Variants in ASXL3 observed in about 807,000 individuals in gnomAD.
ASXL3 encodes the protein ASXL transcriptional regulator 3.
A neutral mutation model predicts 170.6 loss-of-function variants in ASXL3; 34 were observed. The ratio of observed to expected loss-of-function variants is 0.20; its 90% confidence interval spans 0.15 to 0.27. ASXL3 has a LOEUF of 0.27. Ranked by LOEUF, ASXL3 falls within the 10% of genes least tolerant of loss-of-function variation. ASXL3 has a pLI of 1.00. For missense variants in ASXL3, 2,592 were observed against 2,695.3 expected, an observed-to-expected ratio of 0.96 and a Z score of 0.85; for synonymous variants, 1,002 against 989.1, an observed-to-expected ratio of 1.01 and a Z score of -0.24.
At chr18:33,735,790 C>A (rs879879457) in intron 10 of ASXL3, among the ~76,000 whole-genome samples, 132 of 152,094 alleles carry the variant, frequency 8.7e-4, no homozygotes, top group Admixed American at 4.0e-3. Flanking sequence ...GTGATAGACC[C>A]ATTCTTTTAT....
intron 8 of ASXL3, among the ~76,000 whole-genome samples, chr18:33,701,363 C>A (rs1168638699): frequency 1.3e-5 from 2 of 152,012 alleles, no homozygotes; most frequent in Non-Finnish European, 2.9e-5. Flanking sequence ...TGCTTTGAAT[C>A]TATAAATCAT....
Position 33,724,949 on chromosome 18 carries a change from C to T in ASXL3, c.880-7019C>T, listed in dbSNP as rs146338454. On this transcript the variant is annotated intron_variant, in intron 8 of 11. Coordinates refer to ENST00000269197, the MANE Select transcript of ASXL3 (RefSeq NM_030632.3). ...TTTTTATGCCTATCTTTATGTTATT[C>T]TAAAGAATAATATTTTCCCTTGTGG... Among the ~76,000 whole-genome samples the T allele has an allele frequency of 4.5e-3, 679 of 152,134 alleles. 6 individuals carry two copies. The highest frequency in any genetic ancestry group is 0.016 in the African/African-American group (646 of 41,530).
At chr18:33,613,959 A>C (rs776645254) in intron 2 of ASXL3, among the ~76,000 whole-genome samples, 10 of 152,116 alleles carry the variant, frequency 6.6e-5, no homozygotes, top group Non-Finnish European at 1.3e-4. Flanking sequence ...AACCTTCAGC[A>C]AGTCATAATC....
intron 2 of ASXL3, among the ~76,000 whole-genome samples, chr18:33,644,072 G>C (rs1272319370): frequency 1.3e-5 from 2 of 151,818 alleles, no homozygotes; most frequent in African/African-American, 4.8e-5. Flanking sequence ...AAATATATAT[G>C]TACTTTATAT....
intron 6 of ASXL3, among the ~76,000 whole-genome samples, chr18:33,671,246 G>T (rs2066335901): frequency 1.3e-5 from 2 of 152,146 alleles, no homozygotes; most frequent in Admixed American, 6.5e-5. Flanking sequence ...CCCCAGTGCA[G>T]CCCTGACCTT....
intron 8 of ASXL3, among the ~76,000 whole-genome samples, chr18:33,729,530 T>C (rs2067408437): frequency 6.6e-6 from 1 of 152,138 alleles, no homozygotes; most frequent in Non-Finnish European, 1.5e-5. Flanking sequence ...GTAGACTTCC[T>C]CTTGTACCAC....
intron 2 of ASXL3, among the ~76,000 whole-genome samples, chr18:33,643,951 A>G (rs2065881143): frequency 6.6e-6 from 1 of 151,848 alleles, no homozygotes; most frequent in Non-Finnish European, 1.5e-5. Flanking sequence ...TAGGAAGTAA[A>G]ATGTATATGG....
At chr18:33,742,402 T>C (rs951262448) in intron 11 of ASXL3, among the ~76,000 whole-genome samples, 2 of 151,910 alleles carry the variant, frequency 1.3e-5, no homozygotes, top group African/African-American at 4.9e-5. Flanking sequence ...ATCACAAAGT[T>C]CCTTTGTGTA....
At chr18:33,716,679 C>T (rs755012987) in intron 8 of ASXL3, among the ~76,000 whole-genome samples, 3 of 151,940 alleles carry the variant, frequency 2.0e-5, no homozygotes, top group Admixed American at 6.6e-5. Flanking sequence ...GAAACCGTAC[C>T]CTTATAGTGT....
intron 8 of ASXL3, among the ~76,000 whole-genome samples, chr18:33,706,310 A>T (rs906846269): frequency 6.6e-6 from 1 of 151,704 alleles, no homozygotes; most frequent in Non-Finnish European, 1.5e-5. Context: ...TTCCATGGAC[A>T]TTTCAGTAGC....
rs552419485 is a variant in ASXL3 at position 33,578,458 on chromosome 18, CCCGCCGCCGCCGCCGCCGCCGCCG to C, written c.-156_-133del. The stretch of plus-strand genomic sequence containing the variant: ...CCACCCCCTCGCTCCATCCCTCCCA[CCCGCCGCCGCCGCCGCCGCCGCCG>C]CCGCCGCCGCCGCCGCCACCGCCCG... On this transcript the variant is annotated 5_prime_UTR_variant, in exon 1 of 12. Coordinates refer to ENST00000269197, the MANE Select transcript of ASXL3 (RefSeq NM_030632.3). 23 of 94,250 alleles carry C rather than the reference CCCGCCGCCGCCGCCGCCGCCGCCG, an allele frequency of 2.4e-4. 1 individual carries two copies. The highest frequency in any genetic ancestry group is 1.7e-3 in the East Asian group (5 of 2,940). 5.8% of individuals were successfully genotyped at this position (94,250 alleles called of 1,614,324 possible). A position where few individuals can be genotyped will look rare whatever the true frequency, so the allele number is the denominator to read the frequency against.
intron 2 of ASXL3, chr18:33,625,692 A>G (rs2065591834): frequency 6.6e-6 from 1 of 152,118 alleles, no homozygotes; most frequent in African/African-American, 2.4e-5. Flanking sequence ...ATAGGAACCA[A>G]AATATATACC....
chr18:33,583,595 G>A (rs1319207338), intron 1 of ASXL3, among the ~76,000 whole-genome samples: 3 of 152,148 alleles, frequency 2.0e-5, no homozygotes, highest in Non-Finnish European at 4.4e-5. Flanking sequence ...GAAAGAATGA[G>A]TAATGTGAAC....
At chr18:33,588,711 G>A (rs2065053926) in intron 1 of ASXL3, among the ~76,000 whole-genome samples, 1 of 152,082 alleles carries the variant, frequency 6.6e-6, no homozygotes, top group Non-Finnish European at 1.5e-5. Context: ...GCCAGAGAGC[G>A]ATGATAAAGT....
Position 33,743,424 on chromosome 18 carries a change from A to G in ASXL3, c.3576A>G (p.Pro1192=), listed in dbSNP as rs750473287. The G allele has an allele frequency of 6.2e-7, 1 of 1,613,436 alleles. No individual in the cohort carries two copies. Residue 1192 remains proline (P), a synonymous_variant, in exon 12 of 12, where the codon CCA becomes CCG. Transcript: ENST00000269197. ...AGTCTCTTAACCCAAGTAAACTTCC[A>G]GAAACTGCCACTGACTTATCTGTGC... The part of the protein sequence containing the change: ...LQQSLNPSKL[P]ETATDLSVHS...
chr18:33,707,309 A>G (rs1302363564), intron 8 of ASXL3, among the ~76,000 whole-genome samples: 1 of 151,992 alleles, frequency 6.6e-6, no homozygotes, highest in Non-Finnish European at 1.5e-5. Flanking sequence ...AACTTAGGGA[A>G]GAATTGAAAC....
At chr18:33,629,768 G>GT (rs1330432309) in intron 2 of ASXL3, among the ~76,000 whole-genome samples, 3 of 151,950 alleles carry the variant, frequency 2.0e-5, no homozygotes, top group Admixed American at 6.6e-5. Context: ...CAAAACGCAC[G>GT]TTTTTTCCTA....
chr18:33,630,969 AG>A (rs1407045628), intron 2 of ASXL3, among the ~76,000 whole-genome samples: 1 of 152,044 alleles, frequency 6.6e-6, no homozygotes, highest in Non-Finnish European at 1.5e-5. Context: ...TCATACCAAT[AG>A]AAAAAAATTA....
chr18:33,659,628 C>G (rs548450754), intron 4 of ASXL3, among the ~76,000 whole-genome samples: 1 of 152,096 alleles, frequency 6.6e-6, no homozygotes, highest in South Asian at 2.1e-4. Flanking sequence ...TATGTTTAGA[C>G]TATAAACTGA....
Sources: gnomAD v4.1 joint callset for allele counts (sites outside exome capture counted in the v4.1 genomes callset) on GRCh38, gnomAD v4.1.1 for gene constraint, MANE v1.5 for transcripts, NCBI Gene and HGNC (gene_info 2026-07-23, HGNC 2026-07-21) for gene names.